SHTN1: variants seen among roughly 807,000 people sequenced by gnomAD.
SHTN1 encodes shootin 1, also known as shootin-1.
A neutral mutation model predicts 83.1 loss-of-function variants in SHTN1; 42 were observed. The ratio of observed to expected loss-of-function variants is 0.51; its 90% CI spans 0.39 to 0.65. SHTN1 has a LOEUF of 0.65. Ranked by LOEUF, SHTN1 falls within the 30% of genes least tolerant of loss-of-function variation. The pLI, the probability that SHTN1 is intolerant of heterozygous loss-of-function variation, is 0.00. For synonymous variants in SHTN1, 224 were observed against 247.7 expected, an observed-to-expected ratio of 0.90 and a Z score of 0.90; for missense variants, 622 against 737.8, an observed-to-expected ratio of 0.84 and a Z score of 1.82.
At chr10:117,085,918 ATTT>A (rs35586223) in intron 1 of SHTN1, among the ~76,000 whole-genome samples, 6 of 121,104 alleles carry the variant, frequency 5.0e-5, no homozygotes, top group Admixed American at 9.6e-5. Context: ...GCTTTGTCTG[ATTT>A]TTTTTTTTTT....
chr10:117,071,875 A>G (rs948142011), intron 1 of SHTN1, among the ~76,000 whole-genome samples: 1 of 152,074 alleles, frequency 6.6e-6, no homozygotes, highest in Admixed American at 6.5e-5. Context: ...ATTGTATTTG[A>G]GCTAACAAGG....
Position 117,103,583 on chromosome 10 carries a change from G to T in SHTN1, c.-189+22724C>A, listed in dbSNP as rs1853630950. Reference sequence around the variant, plus strand: ...GACGGAGTCTCGCTCTGTTGCCCAGGCTGGAGTACAGTGGCACAATCTCAG... The same window carrying T: ...GACGGAGTCTCGCTCTGTTGCCCAGTCTGGAGTACAGTGGCACAATCTCAG... On this transcript the variant is annotated intron_variant, in intron 1 of 17. Coordinates refer to the SHTN1 transcript ENST00000392901. Among the ~76,000 whole-genome samples, 5 of 117,590 alleles carry T rather than the reference G, an allele frequency of 4.3e-5. No individual in the cohort carries two copies. The Admixed American group carries it at 6.4e-4, about 15-fold the overall frequency. The allele number at this position is 117,590 out of a possible 152,430, so 77.1% of individuals were successfully genotyped here.
At chr10:117,100,961 A>T (rs552937643) in intron 1 of SHTN1, among the ~76,000 whole-genome samples, 1 of 152,350 alleles carries the variant, frequency 6.6e-6, no homozygotes, top group African/African-American at 2.4e-5. Flanking sequence ...CACACCACAG[A>T]GTCACATTAT....
At chr10:117,003,349 T>A (rs1589888997) in intron 1 of SHTN1, among the ~76,000 whole-genome samples, 1 of 148,322 alleles carries the variant, frequency 6.7e-6, no homozygotes, top group East Asian at 2.0e-4. Context: ...GCTTGTGACT[T>A]TATGACCTCA....
intron 2 of SHTN1, among the ~76,000 whole-genome samples, chr10:116,969,644 A>ATTAAACC (rs1850533395): frequency 6.6e-6 from 1 of 152,254 alleles, no homozygotes; most frequent in Non-Finnish European, 1.5e-5. Flanking sequence ...CTCACTGAAA[A>ATTAAACC]GACTTTGGGA....
At chr10:117,041,465 T>A (rs73398137) in intron 2 of SHTN1, among the ~76,000 whole-genome samples, 1 of 152,174 alleles carries the variant, frequency 6.6e-6, no homozygotes, top group South Asian at 2.1e-4. Flanking sequence ...TACTCTATTT[T>A]TGGAACTATT....
intron 9 of SHTN1, among the ~76,000 whole-genome samples, chr10:116,938,933 G>C (rs1032664637): frequency 6.6e-6 from 1 of 152,214 alleles, no homozygotes; most frequent in Admixed American, 6.5e-5. Context: ...GCTCGGCCCA[G>C]TCCGAACTTC....
chr10:116,893,085 A>C (rs1847389002), intron 16 of SHTN1, among the ~76,000 whole-genome samples: 1 of 152,230 alleles, frequency 6.6e-6, no homozygotes, highest in Non-Finnish European at 1.5e-5. Context: ...ACAGCAGTTT[A>C]ACAGTCATTT....
intron 1 of SHTN1, among the ~76,000 whole-genome samples, chr10:116,999,005 T>C (rs1051194680): frequency 6.6e-6 from 1 of 152,340 alleles, no homozygotes; most frequent in South Asian, 2.1e-4. Flanking sequence ...AAGCATTTTC[T>C]TTTTAGAGAG....
At chr10:116,963,966 G>A (rs771253868) in intron 3 of SHTN1, among the ~76,000 whole-genome samples, 2 of 130,844 alleles carry the variant, frequency 1.5e-5, no homozygotes, top group Non-Finnish European at 3.2e-5. Flanking sequence ...CACATTGTAG[G>A]GTAACTGTTT....
chr10:117,038,391 C>T (rs1280859060), intron 2 of SHTN1, among the ~76,000 whole-genome samples: 4 of 151,782 alleles, frequency 2.6e-5, no homozygotes, highest in East Asian at 3.9e-4. Context: ...CCTCCTGCCT[C>T]GGCCTCCCAA....
At chr10:117,020,485 G>C (rs1852243941) in intron 2 of SHTN1, among the ~76,000 whole-genome samples, 1 of 146,240 alleles carries the variant, frequency 6.8e-6, no homozygotes, top group Non-Finnish European at 1.5e-5. Flanking sequence ...GGGCAACAGA[G>C]CAAGACTCCG....
intron 1 of SHTN1, among the ~76,000 whole-genome samples, chr10:116,987,909 C>G (rs1851278841): frequency 6.8e-6 from 1 of 147,932 alleles, no homozygotes; most frequent in Non-Finnish European, 1.5e-5. Context: ...GAGACTCCGT[C>G]TCAAAAAAAC....
At chr10:117,122,124 ATTG>A (rs751794838) in intron 1 of SHTN1, among the ~76,000 whole-genome samples, 3 of 152,292 alleles carry the variant, frequency 2.0e-5, no homozygotes, top group East Asian at 1.9e-4. Flanking sequence ...TATGTAAATA[ATTG>A]TTGTACTGTA....
rs1469516939 is a variant in SHTN1 at position 116,901,845 on chromosome 10, G to A, written c.1593C>T (p.Asn531=). The A allele has an allele frequency of 1.2e-6, 2 of 1,605,644 alleles. No homozygotes were observed. Among genetic ancestry groups the A allele is most frequent in the South Asian group, 2.2e-5 (2 of 89,622 alleles). ...LNKKTLEAEF[N]SPSPPTPEPG... ...GCTCAGGTGTTGGGGGGGACGGGCTGTTGAATTCTGCCTCCAGAGTTTTCT... is the reference window on the plus strand; with the variant it reads ...GCTCAGGTGTTGGGGGGGACGGGCTATTGAATTCTGCCTCCAGAGTTTTCT... The change falls in exon 16 of 17, where the codon AAC becomes AAT. Residue 531 remains asparagine (N), a synonymous_variant. Transcript: ENST00000355371.
At chr10:116,962,246 T>C (rs2133444221) in intron 3 of SHTN1, among the ~76,000 whole-genome samples, 1 of 152,202 alleles carries the variant, frequency 6.6e-6, no homozygotes. Flanking sequence ...CCAAGTTTAT[T>C]CACACACACA....
At chr10:117,066,242 T>C (rs181282683) in intron 1 of SHTN1, among the ~76,000 whole-genome samples, 217 of 152,268 alleles carry the variant, frequency 1.4e-3, no homozygotes, top group African/African-American at 5.1e-3. Context: ...CCCTTACCAG[T>C]CCTAGAACTG....
chr10:117,043,155 A>G lies in SHTN1; in HGVS notation c.-123+5290T>C, dbSNP rs1852610425. Among the ~76,000 whole-genome samples the G allele has an allele frequency of 2.6e-5, 3 of 115,768 alleles. No individual in the cohort carries two copies. The Admixed American group carries it at 2.6e-4, about 10-fold the overall frequency. The allele number at this position is 115,768 out of a possible 152,430, so 75.9% of individuals were successfully genotyped here. The stretch of plus-strand genomic sequence containing the variant: ...TATTTATTTATTTATTTATTTTTAA[A>G]TGGAGTCTCGCTCTGTCGCCCAGGC... On this transcript the variant is annotated intron_variant, in intron 2 of 17. Transcript: ENST00000392901.
intron 2 of SHTN1, among the ~76,000 whole-genome samples, chr10:116,970,252 G>T (rs1850562741): frequency 6.6e-6 from 1 of 152,084 alleles, no homozygotes; most frequent in Non-Finnish European, 1.5e-5. Context: ...ACTTCCCTAT[G>T]ACTCAGCAAT....
Sources: allele counts gnomAD v4.1 joint callset (sites outside exome capture counted in the v4.1 genomes callset), GRCh38; gene constraint gnomAD v4.1.1; transcripts MANE v1.5; gene names NCBI Gene and HGNC (gene_info 2026-07-23, HGNC 2026-07-21).